Variants in ZNF462 observed in about 807,000 individuals in gnomAD.
ZNF462 encodes the protein zinc finger PBX1-interacting protein.
In ZNF462, 10 loss-of-function variants were observed where a neutral mutation model predicts 201.9. That is an observed-to-expected ratio of 0.05 (90% CI 0.03 to 0.08). The LOEUF (loss-of-function observed/expected upper bound fraction) is 0.08, where lower values mean the gene tolerates loss of function less well. ZNF462 is among the 10% of genes least tolerant of loss of function. The pLI, the probability that ZNF462 is intolerant of heterozygous loss-of-function variation, is 1.00. For synonymous variants in ZNF462, 1,227 were observed against 1,193.3 expected, an observed-to-expected ratio of 1.03 and a Z score of -0.58; for missense variants, 2,523 against 3,168.3, an observed-to-expected ratio of 0.80 and a Z score of 4.89.
rs910638296 is a variant in ZNF462, at chr9:107,010,601, T to C, written c.7314-222T>C. Among the ~76,000 whole-genome samples the C allele has an allele frequency of 6.6e-6, 1 of 152,096 alleles. No homozygotes were observed. Among genetic ancestry groups the C allele is most frequent in the African/African-American group, 2.4e-5 (1 of 41,414 alleles). On this transcript the variant is annotated intron_variant, in intron 12 of 12. Transcript: ENST00000277225. The surrounding 1 kb of genome is among the most constrained non-coding windows in gnomAD (Gnocchi z 4.6). ...GTATAATAATGGATACTTCTGTAAG[T>C]TCAAATCTTTAAGATACAGAAATAT... is the stretch of plus-strand genomic sequence containing the variant.
chr9:106,992,566 A>T (rs2132433231), intron 10 of ZNF462, among the ~76,000 whole-genome samples: 1 of 152,276 alleles, frequency 6.6e-6, no homozygotes, highest in Non-Finnish European at 1.5e-5. Flanking sequence ...TGAGCTATTG[A>T]TACATTTAAC....
intron 1 of ZNF462, among the ~76,000 whole-genome samples, chr9:106,922,819 A>G (rs1830040448): frequency 6.6e-6 from 1 of 152,240 alleles, no homozygotes; most frequent in Non-Finnish European, 1.5e-5. Context: ...AAGAAAAGCT[A>G]CAATAAAAAT....
chr9:106,928,778 G>A lies in ZNF462; in HGVS notation c.4866G>A (p.Glu1622=), dbSNP rs1411379580. The A allele has an allele frequency of 6.2e-7, 1 of 1,614,134 alleles. No homozygotes were observed. Among genetic ancestry groups the A allele is most frequent in the Admixed American group, 1.7e-5 (1 of 60,012 alleles). ...AGCTGCCAGTCCCCCTCGAGCCCGAGATGACCACTGAAGTGAGCCCTTCCC... is the reference window on the plus strand; with the variant it reads ...AGCTGCCAGTCCCCCTCGAGCCCGAAATGACCACTGAAGTGAGCCCTTCCC... The part of the protein sequence containing the change: ...PPKLPVPLEP[E]MTTEVSPSQV... The change falls in exon 3 of 13, where the codon GAG becomes GAA. Residue 1622 remains glutamate, a synonymous_variant. Transcript: ENST00000277225. This position sits in a 1 kb window ranked among gnomAD's most constrained non-coding sequence, Gnocchi z 9.3.
At chr9:106,898,430 G>T (rs1828905635) in intron 1 of ZNF462, among the ~76,000 whole-genome samples, 1 of 152,122 alleles carries the variant, frequency 6.6e-6, no homozygotes, top group Non-Finnish European at 1.5e-5. Flanking sequence ...AGGTGGAGGG[G>T]GGGTCATTTG....
In ZNF462 at chr9:107,010,476, A is replaced by G. The variant is rs1179696091; in HGVS notation, c.7314-347A>G. On this transcript the variant is annotated intron_variant, in intron 12 of 12. Transcript: ENST00000277225. The surrounding 1 kb of genome is among the most constrained non-coding windows in gnomAD (Gnocchi z 4.6). ...CTGGGTTCAGCCGATGACTCTGAGC[A>G]TAAGACAATTCTTGCTGTTACCACT... Among the ~76,000 whole-genome samples, 1 of 152,228 alleles carries G rather than the reference A, an allele frequency of 6.6e-6. No homozygotes were observed. Among genetic ancestry groups the G allele is most frequent in the African/African-American group, 2.4e-5 (1 of 41,458 alleles).
At chr9:106,874,578 TGAAAA>T (rs916576873) in intron 1 of ZNF462, among the ~76,000 whole-genome samples, 4 of 152,158 alleles carry the variant, frequency 2.6e-5, no homozygotes, top group Non-Finnish European at 4.4e-5. Flanking sequence ...TTCATTCTCT[TGAAAA>T]GAAAACCACA....
Position 106,913,119 on chromosome 9 carries a change from T to C in ZNF462, c.-30-10235T>C, listed in dbSNP as rs1829620629. On this transcript the variant is annotated intron_variant, in intron 1 of 12. Transcript: ENST00000277225. This position sits in a 1 kb window ranked among gnomAD's most constrained non-coding sequence, Gnocchi z 4.1. ...GAACAATGCAGCCAGAGGCAGCTTC[T>C]CCATGGATGATGAGGAAAAGGAGGA... Among the ~76,000 whole-genome samples the C allele has an allele frequency of 6.6e-6, 1 of 152,184 alleles. No individual in the cohort carries two copies. The highest frequency in any genetic ancestry group is 6.5e-5 in the Admixed American group (1 of 15,280).
At chr9:106,983,978 G>A (rs1053065718) in intron 9 of ZNF462, among the ~76,000 whole-genome samples, 6 of 152,100 alleles carry the variant, frequency 3.9e-5, no homozygotes, top group Non-Finnish European at 8.8e-5. Context: ...TACACAAAGA[G>A]CTTTTGGTCT....
At chr9:106,971,883 G>A (rs750097656) in intron 7 of ZNF462, 122 bp from the exon 8 acceptor site, 100 of 1,239,718 alleles carry the variant, frequency 8.1e-5, no homozygotes, top group Middle Eastern at 2.7e-4. Flanking sequence ...AACAATTTCC[G>A]TTTGTCAATT....
At chr9:106,889,704 G>T (rs988540613) in intron 1 of ZNF462, among the ~76,000 whole-genome samples, 3 of 151,864 alleles carry the variant, frequency 2.0e-5, no homozygotes, top group African/African-American at 7.3e-5. Flanking sequence ...CTAAATGTTG[G>T]CTCTACAGAA....
Position 106,925,069 on chromosome 9 carries a change from C to T in ZNF462, c.1157C>T (p.Ser386Phe), listed in dbSNP as rs753678543. The change falls in exon 3 of 13, where the codon TCT becomes TTT. Residue 386 changes from serine to phenylalanine, a missense_variant. This residue lies in a region of ZNF462 where 480 missense variants were observed against 544.4 expected (regional missense o/e 0.88). Transcript: ENST00000277225. This position sits in a 1 kb window ranked among gnomAD's most constrained non-coding sequence, Gnocchi z 7.9. ...GAAACTAACAGCATGCTAAATGACT[C>T]TAGTTCTGATGAAGAGTTAAATGAA... ...DLETNSMLND[S>F]SSDEELNEID... 2.5e-6 allele frequency: 4 copies of T among 1,614,186 alleles called. No individual in the cohort carries two copies. The South Asian group carries it at 3.3e-5, about 13-fold the overall frequency.
intron 1 of ZNF462, among the ~76,000 whole-genome samples, chr9:106,882,433 C>T (rs577236201): frequency 2.6e-5 from 4 of 152,292 alleles, no homozygotes; most frequent in South Asian, 4.1e-4. Flanking sequence ...CCTGAAACAT[C>T]GCTAGATTTA....
chr9:106,862,721 G>A (rs545409693), upstream of ZNF462, among the ~76,000 whole-genome samples: 2 of 152,094 alleles, frequency 1.3e-5, no homozygotes, highest in African/African-American at 4.8e-5. The surrounding 1 kb of genome is among the most constrained non-coding windows in gnomAD (Gnocchi z 4.2). Context: ...GGTTCAGCAG[G>A]GGGGAGGGGG....
chr9:106,980,413 T>C (rs974358240), intron 9 of ZNF462, among the ~76,000 whole-genome samples: 3 of 152,198 alleles, frequency 2.0e-5, no homozygotes, highest in African/African-American at 7.2e-5. Context: ...TCATGTAGAC[T>C]TGGCATGTTC....
chr9:106,877,322 T>TA (rs869276415), intron 1 of ZNF462, among the ~76,000 whole-genome samples: 3 of 139,746 alleles, frequency 2.1e-5, no homozygotes, highest in African/African-American at 8.2e-5. Flanking sequence ...TTTTTTTTTT[T>TA]ACATTTGGGA....
In ZNF462 at chr9:106,956,337, G is replaced by C. The variant is rs574541907; in HGVS notation, c.6428-15668G>C. Among the ~76,000 whole-genome samples the C allele has an allele frequency of 2.0e-5, 3 of 152,218 alleles. No homozygotes were observed. In the East Asian group the frequency reaches 5.8e-4, roughly 29 times the overall value. ...CCAATGAGTAGTAACATTTTGAAAG[G>C]AATCTTTTTTATCTGAGTTGTAAGT... On this transcript the variant is annotated intron_variant, in intron 7 of 12. Transcript: ENST00000277225.
In ZNF462 at chr9:106,950,758, C is replaced by A. The variant is rs1220866896; in HGVS notation, c.6427+11651C>A. On this transcript the variant is annotated intron_variant, in intron 7 of 12. Coordinates refer to ENST00000277225, the MANE Select transcript of ZNF462 (RefSeq NM_021224.6). The surrounding 1 kb of genome is among the most constrained non-coding windows in gnomAD (Gnocchi z 4.1). ...TACTGTTGCATCTTAGCTATGTTAT[C>A]TCCATAACGGAAGTCTGGAAAACAA... Among the ~76,000 whole-genome samples, 1 of 152,140 alleles carries A rather than the reference C, an allele frequency of 6.6e-6. No homozygotes were observed. The highest frequency in any genetic ancestry group is 2.4e-5 in the African/African-American group (1 of 41,428).
chr9:106,903,378 C>T (rs925821395), intron 1 of ZNF462, among the ~76,000 whole-genome samples: 1 of 152,072 alleles, frequency 6.6e-6, no homozygotes, highest in Non-Finnish European at 1.5e-5. Flanking sequence ...ATTCCATGTG[C>T]TGGTGAATGG....
At position 106,950,044 on chromosome 9, in the gene ZNF462, T is replaced by A. The variant is rs1831273081; in HGVS notation, c.6427+10937T>A. Among the ~76,000 whole-genome samples the A allele has an allele frequency of 6.6e-6, 1 of 152,200 alleles. No individual in the cohort carries two copies. The highest frequency in any genetic ancestry group is 1.5e-5 in the Non-Finnish European group (1 of 68,048). On this transcript the variant is annotated intron_variant, in intron 7 of 12. Coordinates refer to ENST00000277225, the MANE Select transcript of ZNF462 (RefSeq NM_021224.6). The surrounding 1 kb of genome is among the most constrained non-coding windows in gnomAD (Gnocchi z 4.1). ...TTCAAAGGGGCTTTCTCCAGCATCC[T>A]GGTTTCTCTCGTCCCCTCGTCCTCT...
Sources: allele counts gnomAD v4.1 joint callset (sites outside exome capture counted in the v4.1 genomes callset), GRCh38; gene constraint gnomAD v4.1.1; regional missense constraint gnomAD v4.1.1; non-coding constraint Gnocchi (gnomAD v3.1); transcripts MANE v1.5; gene names NCBI Gene and HGNC (gene_info 2026-07-23, HGNC 2026-07-21).